Variants in IL34 observed in about 807,000 individuals in gnomAD.
IL34 encodes the protein interleukin-34.
IL34 carries 17 observed loss-of-function variants against 25.3 expected under a neutral mutation model. The ratio of observed to expected loss-of-function variants is 0.67; its 90% CI spans 0.46 to 1.01. The LOEUF (loss-of-function observed/expected upper bound fraction) is 1.01. Among genes scored for constraint, IL34 ranks in the 50% least tolerant of loss-of-function variants. The pLI is 0.00. For missense variants in IL34, 368 were observed against 312.9 expected, an observed-to-expected ratio of 1.18 and a Z score of -1.33; for synonymous variants, 174 against 140.9, an observed-to-expected ratio of 1.23 and a Z score of -1.66.
intron 1 of IL34, among the ~76,000 whole-genome samples, chr16:70,637,637 G>A (rs781325799): frequency 6.6e-6 from 1 of 152,126 alleles, no homozygotes; most frequent in Non-Finnish European, 1.5e-5. Flanking sequence ...GAGCCACCGC[G>A]CCTGGCCAAG....
chr16:70,651,018 G>T (rs1405984814), intron 1 of IL34, among the ~76,000 whole-genome samples: 1 of 152,102 alleles, frequency 6.6e-6, no homozygotes, highest in African/African-American at 2.4e-5. Flanking sequence ...AGACCAGCCT[G>T]GCCAACCTGG....
chr16:70,656,454 G>A (rs1034367082), intron 2 of IL34, 148 bp from the exon 3 acceptor site: 15 of 663,936 alleles, frequency 2.3e-5, no homozygotes, highest in African/African-American at 1.8e-4. Context: ...GGGAGGTCAA[G>A]GCTTCCGTGA....
chr16:70,654,664 A>G lies in IL34; in HGVS notation c.155A>G (p.Gln52Arg). The G allele has an allele frequency of 6.2e-7, 1 of 1,604,946 alleles. No individual in the cohort carries two copies. Among genetic ancestry groups the G allele is most frequent in the East Asian group, 2.2e-5 (1 of 44,554 alleles). ...RDKLQYRSRL[Q>R]YMKHYFPINY... ...AAGCTGCAGTACAGGAGCCGACTTC[A>G]GTACATGGTAACCACGTGGGCACCA... is the stretch of plus-strand genomic sequence containing the variant. Residue 52 changes from glutamine to arginine, a missense_variant, in exon 2 of 6, where the codon CAG (glutamine) becomes CGG (arginine). By Grantham distance (43) the Gln-to-Arg change is conservative (BLOSUM62 1). Transcript: ENST00000288098.
intron 1 of IL34, among the ~76,000 whole-genome samples, chr16:70,624,797 C>G (rs1328167625): frequency 6.6e-6 from 1 of 151,630 alleles, no homozygotes; most frequent in African/African-American, 2.4e-5. Context: ...GGAGGGGAGG[C>G]TGAGGAAGAA....
chr16:70,618,205 G>A (rs1161127011), intron 1 of IL34, among the ~76,000 whole-genome samples: 3 of 152,016 alleles, frequency 2.0e-5, no homozygotes, highest in African/African-American at 7.3e-5. Context: ...GGTGTGTGGT[G>A]ATTAGGCCTG....
At chr16:70,609,330 C>T (rs2051056860) in intron 1 of IL34, among the ~76,000 whole-genome samples, 1 of 152,194 alleles carries the variant, frequency 6.6e-6, no homozygotes, top group African/African-American at 2.4e-5. Context: ...CTGCCCGCTT[C>T]TGCTTCCCAA....
chr16:70,646,267 C>G (rs1402782499), upstream of IL34, among the ~76,000 whole-genome samples: 1 of 152,094 alleles, frequency 6.6e-6, no homozygotes, highest in Non-Finnish European at 1.5e-5. Flanking sequence ...CTGAGTCATT[C>G]ATGGACTCTA....
At chr16:70,590,089 C>T (rs2050735540) in intron 1 of IL34, among the ~76,000 whole-genome samples, 1 of 152,204 alleles carries the variant, frequency 6.6e-6, no homozygotes, top group Admixed American at 6.5e-5. Flanking sequence ...CAGACCCACC[C>T]AGGGGAGGGG....
intron 1 of IL34, among the ~76,000 whole-genome samples, chr16:70,632,954 TAAAATGTGTC>T (rs2051553109): frequency 1.3e-5 from 2 of 151,368 alleles, no homozygotes; most frequent in Non-Finnish European, 1.5e-5. Context: ...AATTCTTACT[TAAAATGTGTC>T]TTATCAGGAC....
At chr16:70,640,922 G>C (rs1201420921) in intron 1 of IL34, among the ~76,000 whole-genome samples, 1 of 152,142 alleles carries the variant, frequency 6.6e-6, no homozygotes, top group Middle Eastern at 3.4e-3. Context: ...TCCAGAAAAG[G>C]CTGAATGTAC....
chr16:70,582,315 C>T (rs991850684), intron 1 of IL34, among the ~76,000 whole-genome samples: 4 of 152,258 alleles, frequency 2.6e-5, no homozygotes, highest in Non-Finnish European at 5.9e-5. Context: ...CCACCCTCCT[C>T]GACATGCAGG....
At position 70,637,937 on chromosome 16, in the gene IL34, G is replaced by A. The variant is rs560258868; in HGVS notation, c.-400-8611G>A. Among the ~76,000 whole-genome samples, 6 of 152,272 alleles carry A rather than the reference G, an allele frequency of 3.9e-5. No homozygotes were observed. The East Asian group carries it at 7.7e-4, about 20-fold the overall frequency. ...TGCTTTTCTGTGGTTTGACATTTAG[G>A]TGGTTTCCAGGTTTTTTTGTTTTGT... On this transcript the variant is annotated intron_variant, in intron 1 of 6. Coordinates refer to the IL34 transcript ENST00000429149.
At position 70,659,600 on chromosome 16, in the gene IL34, C is replaced by A; in HGVS notation, c.403-18C>A. On this transcript the variant is annotated intron_variant, in intron 4 of 5. Transcript: ENST00000288098. ...GGCCCCATCTCGCCACCGCTCCTGA[C>A]TGTTTCCTCCTTTCCAGGATGTGGA... 1 of 1,595,452 alleles carries A rather than the reference C, an allele frequency of 6.3e-7. No individual in the cohort carries two copies. Among genetic ancestry groups the A allele is most frequent in the Non-Finnish European group, 8.6e-7 (1 of 1,166,594 alleles).
intron 1 of IL34, among the ~76,000 whole-genome samples, chr16:70,600,423 A>G (rs1211320753): frequency 6.6e-6 from 1 of 152,214 alleles, no homozygotes; most frequent in Non-Finnish European, 1.5e-5. Context: ...CATGTCTAGG[A>G]TGGTGCTAGG....
intron 1 of IL34, among the ~76,000 whole-genome samples, chr16:70,652,032 G>A (rs2151877762): frequency 6.6e-6 from 1 of 152,170 alleles, no homozygotes; most frequent in African/African-American, 2.4e-5. Context: ...GGAGGCTGAG[G>A]CAGGAGAATG....
upstream of IL34, among the ~76,000 whole-genome samples, chr16:70,644,190 G>A (rs145400464): frequency 0.01 from 1,561 of 152,254 alleles, 31 homozygotes; most frequent in African/African-American, 0.036. Context: ...GGCCAGGCTG[G>A]TCTCAAAGTC....
intron 1 of IL34, among the ~76,000 whole-genome samples, chr16:70,620,679 G>C (rs189026166): frequency 1.3e-5 from 2 of 152,110 alleles, no homozygotes; most frequent in East Asian, 3.8e-4. Flanking sequence ...ATGCCTGGAC[G>C]TCAGGCACCT....
At chr16:70,632,314 A>G (rs899215560) in intron 1 of IL34, among the ~76,000 whole-genome samples, 6 of 152,204 alleles carry the variant, frequency 3.9e-5, no homozygotes, top group Non-Finnish European at 7.3e-5. Flanking sequence ...CCTCATGCAG[A>G]TATCTGCAGG....
At chr16:70,608,126 C>CTTTTTTTTTTTT (rs869059231) in intron 1 of IL34, among the ~76,000 whole-genome samples, 15 of 38,798 alleles carry the variant, frequency 3.9e-4, no homozygotes, top group East Asian at 4.3e-4. Flanking sequence ...TTTCTTTTTT[C>CTTTTTTTTTTTT]TTTTTTTTTT....
Sources: allele counts gnomAD v4.1 joint callset (sites outside exome capture counted in the v4.1 genomes callset), GRCh38; gene constraint gnomAD v4.1.1; transcripts MANE v1.5; gene names NCBI Gene and HGNC (gene_info 2026-07-23, HGNC 2026-07-21).